RAP1GAP2: variants seen among roughly 807,000 people sequenced by gnomAD.
RAP1GAP2 encodes the protein rap1 GTPase-activating protein 2.
A neutral mutation model predicts 95.0 loss-of-function variants in RAP1GAP2; 27 were observed. The ratio of observed to expected loss-of-function variants is 0.28; its 90% CI spans 0.21 to 0.39. RAP1GAP2 has a LOEUF of 0.39. RAP1GAP2 is among the 10% of genes least tolerant of loss of function. The probability of loss-of-function intolerance (pLI) is 1.00; values close to 1 mark genes in which losing one functional copy is unlikely to be tolerated. For synonymous variants in RAP1GAP2, 373 were observed against 380.9 expected (o/e 0.98, Z 0.24); for missense variants, 771 against 970.0 (o/e 0.79, Z 2.72).
intron 3 of RAP1GAP2, among the ~76,000 whole-genome samples, chr17:2,933,703 T>C (rs2043223777): frequency 6.6e-6 from 1 of 152,258 alleles, no homozygotes; most frequent in Non-Finnish European, 1.5e-5. Context: ...TAGTTGACCC[T>C]GTTACGGACC....
chr17:2,998,021 G>T (rs928209252), intron 13 of RAP1GAP2, among the ~76,000 whole-genome samples, 200 bp from the exon 14 acceptor site: 2 of 151,944 alleles, frequency 1.3e-5, no homozygotes, highest in East Asian at 1.9e-4. Flanking sequence ...AGCACGAAGC[G>T]TGTTCCATGC....
intron 3 of RAP1GAP2, among the ~76,000 whole-genome samples, chr17:2,946,271 A>G (rs541153364): frequency 6.6e-6 from 1 of 152,262 alleles, no homozygotes; most frequent in South Asian, 2.1e-4. Flanking sequence ...TCACTTTGAT[A>G]ACGCTGGCCT....
intron 2 of RAP1GAP2, among the ~76,000 whole-genome samples, chr17:2,834,048 C>T (rs971917064): frequency 1.3e-5 from 2 of 152,150 alleles, no homozygotes; most frequent in Non-Finnish European, 2.9e-5. Context: ...GAAGTTCCTG[C>T]ACCCGCCTGG....
chr17:2,789,299 T>C (rs1453022748), intron 1 of RAP1GAP2, among the ~76,000 whole-genome samples: 1 of 152,146 alleles, frequency 6.6e-6, no homozygotes. Context: ...CCACCCGCCT[T>C]GTCCTCCCAA....
chr17:2,921,683 C>T (rs962894722), intron 3 of RAP1GAP2, among the ~76,000 whole-genome samples: 28 of 151,640 alleles, frequency 1.8e-4, no homozygotes, highest in Non-Finnish European at 8.8e-5. Context: ...TCAGCAGGGC[C>T]GTTAAGGTGT....
At chr17:2,919,463 G>T (rs2042678790) in intron 3 of RAP1GAP2, among the ~76,000 whole-genome samples, 1 of 152,094 alleles carries the variant, frequency 6.6e-6, no homozygotes, top group South Asian at 2.1e-4. Context: ...CCTATCATAA[G>T]TTTCTTTCCT....
rs149257394 is a variant in RAP1GAP2 at position 2,942,792 on chromosome 17, G to T, written c.166-14967G>T. 5.3e-3 allele frequency among the ~76,000 whole-genome samples: 804 copies of T among 152,176 alleles called. 6 individuals are homozygous for T. Among genetic ancestry groups the T allele is most frequent in the Non-Finnish European group, 8.7e-3 (590 of 68,016 alleles). On this transcript the variant is annotated intron_variant, in intron 3 of 24. Coordinates refer to ENST00000254695, the MANE Select transcript of RAP1GAP2 (RefSeq NM_015085.5). ...TTTATTTTATTTTATTTTTGAGACGGAGTCTTGCTCTGTCACCCAGGCTGG... is the reference window on the plus strand; with the variant it reads ...TTTATTTTATTTTATTTTTGAGACGTAGTCTTGCTCTGTCACCCAGGCTGG...
intron 2 of RAP1GAP2, among the ~76,000 whole-genome samples, chr17:2,899,953 A>G (rs2041971582): frequency 6.6e-6 from 1 of 152,118 alleles, no homozygotes; most frequent in Non-Finnish European, 1.5e-5. Context: ...TTTGGCCATT[A>G]TGAATCATGT....
chr17:2,888,906 G>A (rs1171776179), intron 2 of RAP1GAP2, among the ~76,000 whole-genome samples: 2 of 150,534 alleles, frequency 1.3e-5, no homozygotes, highest in Non-Finnish European at 2.9e-5. Context: ...CAGGCGATCT[G>A]CCCGCCTTGG....
At chr17:2,983,764 G>T (rs2045459052) in intron 10 of RAP1GAP2, among the ~76,000 whole-genome samples, 1 of 152,092 alleles carries the variant, frequency 6.6e-6, no homozygotes, top group Non-Finnish European at 1.5e-5. Context: ...TAATGTAAAA[G>T]TTGGAAGGGA....
intron 2 of RAP1GAP2, among the ~76,000 whole-genome samples, chr17:2,879,457 G>C (rs1191530161): frequency 6.6e-6 from 1 of 151,632 alleles, no homozygotes; most frequent in Non-Finnish European, 1.5e-5. Context: ...GCTGGGCGTG[G>C]CAGCTCATGC....
chr17:3,017,421 C>T (rs546387029), intron 17 of RAP1GAP2, among the ~76,000 whole-genome samples: 1 of 152,196 alleles, frequency 6.6e-6, no homozygotes, highest in South Asian at 2.1e-4. Flanking sequence ...GAAGCCCCTG[C>T]AAGTGGGAGG....
intron 17 of RAP1GAP2, among the ~76,000 whole-genome samples, chr17:3,017,776 C>T (rs1032263952): frequency 3.9e-5 from 6 of 152,254 alleles, no homozygotes; most frequent in South Asian, 2.1e-4. Flanking sequence ...CTTTGTCCAC[C>T]GTGCAGGGGA....
At chr17:2,962,534 A>T in intron 4 of RAP1GAP2, 136 bp from the exon 5 acceptor site, 1 of 877,892 alleles carries the variant, frequency 1.1e-6, no homozygotes. Flanking sequence ...GCCAGGTGTG[A>T]TGTGTGCAGG....
intron 17 of RAP1GAP2, among the ~76,000 whole-genome samples, chr17:3,015,937 T>C (rs1010069235): frequency 2.6e-5 from 4 of 152,044 alleles, no homozygotes; most frequent in Non-Finnish European, 5.9e-5. Flanking sequence ...CAGGTGTGAA[T>C]CCAGAGGGGA....
chr17:2,809,352 G>A (rs2069658975), intron 2 of RAP1GAP2, among the ~76,000 whole-genome samples: 1 of 152,246 alleles, frequency 6.6e-6, no homozygotes, highest in Non-Finnish European at 1.5e-5. Context: ...CCGTGAGGGT[G>A]TTTTCCATGT....
chr17:2,800,489 C>A, intron 1 of RAP1GAP2, 26 bp from the exon 2 acceptor site: 1 of 1,609,262 alleles, frequency 6.2e-7, no homozygotes, highest in Middle Eastern at 1.6e-4. Flanking sequence ...CAGCACTGAC[C>A]GGAGCCCTTG....
At chr17:2,979,241 C>G (rs2045251421) in intron 8 of RAP1GAP2, among the ~76,000 whole-genome samples, 1 of 152,154 alleles carries the variant, frequency 6.6e-6, no homozygotes, top group African/African-American at 2.4e-5. Flanking sequence ...CTTTATGAAG[C>G]AGATTCCATC....
intron 19 of RAP1GAP2, among the ~76,000 whole-genome samples, chr17:3,021,430 CTTTTTTTTTTTTTTT>C (rs57099220): frequency 1.0e-4 from 10 of 95,766 alleles, no homozygotes; most frequent in Admixed American, 2.5e-4. Context: ...CGATATTTGT[CTTTTTTTTTTTTTTT>C]TTTTTTTTTT....
Sources: allele counts gnomAD v4.1 joint callset (sites outside exome capture counted in the v4.1 genomes callset), GRCh38; gene constraint gnomAD v4.1.1; transcripts MANE v1.5; gene names NCBI Gene and HGNC (gene_info 2026-07-23, HGNC 2026-07-21).